Variants in ADAMTS6 observed in about 807,000 individuals in gnomAD.
The protein encoded by ADAMTS6 is ADAM metallopeptidase with thrombospondin type 1 motif 6.
A neutral mutation model predicts 144.3 loss-of-function variants in ADAMTS6; 23 were observed. That is an observed-to-expected ratio of 0.16 (90% CI 0.11 to 0.23). The LOEUF (loss-of-function observed/expected upper bound fraction) is 0.23, where lower values mean the gene tolerates loss of function less well. Ranked by LOEUF, ADAMTS6 falls within the 10% of genes least tolerant of loss-of-function variation. The pLI, the probability that ADAMTS6 is intolerant of heterozygous loss-of-function variation, is 1.00. For missense variants in ADAMTS6, 999 were observed against 1,379.6 expected, an observed-to-expected ratio of 0.72 and a Z score of 4.37; for synonymous variants, 444 against 457.5, an observed-to-expected ratio of 0.97 and a Z score of 0.38.
At chr5:65,238,620 G>A (rs1386092588) in intron 15 of ADAMTS6, among the ~76,000 whole-genome samples, 3 of 151,622 alleles carry the variant, frequency 2.0e-5, no homozygotes, top group African/African-American at 7.3e-5. Context: ...AAAGGAATAT[G>A]GGAATTTAGA....
chr5:65,283,236 T>C (rs1763122276), intron 11 of ADAMTS6, among the ~76,000 whole-genome samples: 1 of 152,138 alleles, frequency 6.6e-6, no homozygotes, highest in Non-Finnish European at 1.5e-5. Context: ...TGGCCTAGTT[T>C]CAGGTGTTTA....
chr5:65,332,852 T>C (rs1746901808), intron 8 of ADAMTS6, among the ~76,000 whole-genome samples: 1 of 152,130 alleles, frequency 6.6e-6, no homozygotes, highest in South Asian at 2.1e-4. Context: ...GAGAGCTCTG[T>C]CTCCATTATG....
intron 1 of ADAMTS6, among the ~76,000 whole-genome samples, chr5:65,474,983 A>T (rs1230903358): frequency 1.3e-5 from 2 of 152,126 alleles, no homozygotes; most frequent in South Asian, 2.1e-4. Flanking sequence ...TAAGAAGATA[A>T]ATGCGTTTAA....
intron 7 of ADAMTS6, among the ~76,000 whole-genome samples, chr5:65,388,029 G>A (rs1174857255): frequency 0.062 from 3 of 48 alleles, no homozygotes; most frequent in Non-Finnish European, 0.083. Context: ...TGGCCAACGT[G>A]GCAAAACCTG....
chr5:65,370,658 A>C (rs565228952), intron 7 of ADAMTS6, among the ~76,000 whole-genome samples: 67 of 152,212 alleles, frequency 4.4e-4, no homozygotes, highest in Admixed American at 8.5e-4. Flanking sequence ...GCTAGCACAG[A>C]AGTCTGAGAT....
At chr5:65,261,694 A>G (rs937876388) in intron 13 of ADAMTS6, among the ~76,000 whole-genome samples, 1 of 152,168 alleles carries the variant, frequency 6.6e-6, no homozygotes, top group African/African-American at 2.4e-5. Flanking sequence ...GTCAGACAAA[A>G]ACAAGATAGT....
At position 65,260,377 on chromosome 5, in the gene ADAMTS6, T is replaced by G. The variant is rs180954405; in HGVS notation, c.1830+223A>C. Among the ~76,000 whole-genome samples, 26 of 152,264 alleles carry G rather than the reference T, an allele frequency of 1.7e-4. No homozygotes were observed. The East Asian group carries it at 4.2e-3, about 25-fold the overall frequency. On this transcript the variant is annotated intron_variant, in intron 14 of 24. Transcript: ENST00000381055. Reference sequence around the variant, plus strand: ...GTGTGTGTGCCTCTCTTGATATCTGTTGGGGAAGAATATACTTGTTCCCAG... The same window carrying G: ...GTGTGTGTGCCTCTCTTGATATCTGGTGGGGAAGAATATACTTGTTCCCAG...
chr5:65,387,714 T>G (rs1384429602), intron 7 of ADAMTS6, among the ~76,000 whole-genome samples: 1 of 152,164 alleles, frequency 6.6e-6, no homozygotes, highest in Non-Finnish European at 1.5e-5. Context: ...TGGGTCACTC[T>G]GAAAATTTCC....
rs1746515472 is a variant in ADAMTS6, at chr5:65,329,607, G to A, written c.1118-124C>T. ...TGCACAGAAGGAGCCGTTGGCAAAA[G>A]GTTAACTTTCTAGTCATTTGCAAAA... On this transcript the variant is annotated intron_variant, in intron 8 of 24. Transcript: ENST00000381055. 4.0e-6 allele frequency: 3 copies of A among 756,112 alleles called. No individual in the cohort carries two copies. The South Asian group carries it at 8.9e-5, about 23-fold the overall frequency. 46.8% of individuals were successfully genotyped at this position (756,112 alleles called of 1,614,324 possible).
intron 9 of ADAMTS6, among the ~76,000 whole-genome samples, chr5:65,303,111 C>G (rs1337393107): frequency 6.6e-6 from 1 of 152,072 alleles, no homozygotes; most frequent in Non-Finnish European, 1.5e-5. Flanking sequence ...TAAACCATAT[C>G]AGGTAGTTTC....
At chr5:65,447,160 T>A (rs1276683046) in intron 7 of ADAMTS6, among the ~76,000 whole-genome samples, 1 of 152,194 alleles carries the variant, frequency 6.6e-6, no homozygotes, top group Non-Finnish European at 1.5e-5. Flanking sequence ...CTCCATGTCT[T>A]TGAATTCCTA....
intron 21 of ADAMTS6, among the ~76,000 whole-genome samples, chr5:65,194,326 A>G (rs1346835483): frequency 2.0e-5 from 3 of 152,220 alleles, no homozygotes; most frequent in Non-Finnish European, 4.4e-5. Flanking sequence ...TAGTATCTCT[A>G]GATGTTGGGC....
chr5:65,278,819 A>C (rs769302559), intron 11 of ADAMTS6, among the ~76,000 whole-genome samples: 7 of 152,300 alleles, frequency 4.6e-5, no homozygotes, highest in Non-Finnish European at 8.8e-5. Context: ...TTTAAATTGA[A>C]TATACTAGGC....
At chr5:65,390,591 A>G (rs536665229) in intron 7 of ADAMTS6, among the ~76,000 whole-genome samples, 2 of 152,214 alleles carry the variant, frequency 1.3e-5, no homozygotes, top group South Asian at 4.1e-4. Context: ...CTAATTCTGC[A>G]TATGTTCTAA....
chr5:65,244,498 A>G (rs947685230), intron 14 of ADAMTS6, among the ~76,000 whole-genome samples: 3 of 152,160 alleles, frequency 2.0e-5, no homozygotes, highest in African/African-American at 7.2e-5. Flanking sequence ...ATAACATTTC[A>G]TGACATTTTT....
intron 18 of ADAMTS6, among the ~76,000 whole-genome samples, chr5:65,223,950 C>G (rs978682097): frequency 6.6e-6 from 1 of 151,968 alleles, no homozygotes; most frequent in African/African-American, 2.4e-5. Context: ...CAGGCGCCCA[C>G]CACCACACCC....
At chr5:65,295,219 C>G (rs952285777) in intron 10 of ADAMTS6, among the ~76,000 whole-genome samples, 1 of 151,888 alleles carries the variant, frequency 6.6e-6, no homozygotes, top group South Asian at 2.1e-4. Context: ...TCTATTAGGT[C>G]GGTGCAAAAG....
intron 7 of ADAMTS6, among the ~76,000 whole-genome samples, chr5:65,446,647 T>C (rs563187514): frequency 6.6e-6 from 1 of 152,284 alleles, no homozygotes; most frequent in East Asian, 1.9e-4. Flanking sequence ...TACTGATACA[T>C]GCCACATTAT....
chr5:65,426,440 A>G (rs1424260421), intron 7 of ADAMTS6, among the ~76,000 whole-genome samples: 1 of 151,966 alleles, frequency 6.6e-6, no homozygotes, highest in East Asian at 1.9e-4. Flanking sequence ...TCTTCTTTTT[A>G]TTTTACATAG....
Sources: allele counts gnomAD v4.1 joint callset (sites outside exome capture counted in the v4.1 genomes callset), GRCh38; gene constraint gnomAD v4.1.1; transcripts MANE v1.5; gene names NCBI Gene and HGNC (gene_info 2026-07-23, HGNC 2026-07-21).